PPRC1: variants seen among roughly 807,000 people sequenced by gnomAD.
PPRC1 encodes peroxisome proliferator-activated receptor gamma coactivator-related protein 1.
PPRC1 carries 23 observed loss-of-function variants against 132.5 expected under a neutral mutation model. The observed-to-expected ratio is 0.17, with a 90% CI of 0.12 to 0.25. The LOEUF (loss-of-function observed/expected upper bound fraction) is 0.25. Ranked by LOEUF, PPRC1 falls within the 10% of genes least tolerant of loss-of-function variation. The pLI is 1.00. For missense variants in PPRC1, 2,006 were observed against 2,089.1 expected, an observed-to-expected ratio of 0.96 and a Z score of 0.78; for synonymous variants, 872 against 833.5, an observed-to-expected ratio of 1.05 and a Z score of -0.80.
rs1038760066 is a variant in PPRC1 at position 102,139,263 on chromosome 10, T to C, written c.755T>C (p.Val252Ala). The C allele has an allele frequency of 4.3e-6, 7 of 1,613,878 alleles. No homozygotes were observed. Among genetic ancestry groups the C allele is most frequent in the Non-Finnish European group, 5.9e-6 (7 of 1,179,980 alleles). The change falls in exon 5 of 14, where the codon GTG (valine) becomes GCG (alanine). Residue 252 changes from valine to alanine, a missense_variant. Val to Ala is a moderately conservative substitution (Grantham distance 64). This residue lies in a region of PPRC1 where 1,914 missense variants were observed against 1,917.2 expected (regional missense o/e 1.00). Transcript: ENST00000278070. ...AGTGATGGAGAAGAAGAGGAGGAGG[T>C]GGCCAGCTTCAGTGGCCAGATTCTT... ...QRSDGEEEEE[V>A]ASFSGQILAG...
At chr10:102,120,873 G>A in the PPRC1 span, among the ~76,000 whole-genome samples, 4 of 152,152 alleles carry the variant, frequency 2.6e-5, no homozygotes, top group African/African-American at 7.2e-5. Context: ...CGCGCTCCGG[G>A]AGGGAAAAGG....
intron 6 of PPRC1, among the ~76,000 whole-genome samples, chr10:102,143,402 C>T (rs1437168923): frequency 6.6e-6 from 1 of 152,024 alleles, no homozygotes; most frequent in Non-Finnish European, 1.5e-5. Flanking sequence ...AGTTTGAGAC[C>T]AGCCTGGCCA....
At position 102,140,516 on chromosome 10, in the gene PPRC1, C is replaced by T. The variant is rs1460953524; in HGVS notation, c.2008C>T (p.Leu670=). 1 of 1,614,030 alleles carries T rather than the reference C, an allele frequency of 6.2e-7. No individual in the cohort carries two copies. The highest frequency in any genetic ancestry group is 8.5e-7 in the Non-Finnish European group (1 of 1,180,030). ...PSGPAPVDLA[L]VDPVPNDLTP... is the part of the protein sequence containing the mutation. ...TGGCCCAGCACCAGTTGATCTAGCA[C>T]TGGTTGACCCTGTTCCTAATGACCT... The change falls in exon 5 of 14, where the codon CTG becomes TTG. Residue 670 remains leucine (L), a synonymous_variant. Transcript: ENST00000278070.
Position 102,141,021 on chromosome 10 carries a change from C to T in PPRC1, c.2513C>T (p.Pro838Leu), listed in dbSNP as rs750433078. The stretch of plus-strand genomic sequence containing the variant: ...AGTCCTGAGCCACCTGTAAGCAAAC[C>T]TGTGGCCTCATCTCCCACTGAGCAG... Reference protein sequence around the residue: ...SPSPEPPVSKPVASSPTEQVP... With the variant: ...SPSPEPPVSKLVASSPTEQVP... The change falls in exon 5 of 14, where the codon CCT (proline) becomes CTT (leucine). Residue 838 changes from proline (P) to leucine (L), a missense_variant. Transcript: ENST00000278070. The T allele has an allele frequency of 2.5e-6, 4 of 1,614,174 alleles. No individual in the cohort carries two copies. The highest frequency in any genetic ancestry group is 2.5e-6 in the Non-Finnish European group (3 of 1,180,038).
chr10:102,120,620 C>CGGGG, the PPRC1 span, among the ~76,000 whole-genome samples: 1 of 152,104 alleles, frequency 6.6e-6, no homozygotes, highest in Non-Finnish European at 1.5e-5. Flanking sequence ...GGCGGGCGGG[C>CGGGG]GGCGAGGGGC....
upstream of PPRC1, chr10:102,132,956 C>T: frequency 3.3e-6 from 4 of 1,225,078 alleles, no homozygotes; most frequent in Non-Finnish European, 4.1e-6. Flanking sequence ...CCGCACGGCT[C>T]TCTGGGATTC....
At chr10:102,126,170 C>A in the PPRC1 span, among the ~76,000 whole-genome samples, 258 of 152,234 alleles carry the variant, frequency 1.7e-3, 1 homozygote, top group African/African-American at 5.7e-3. Context: ...CTTGGCATCA[C>A]TCTGTCTTTC....
chr10:102,132,076 A>C (rs951330784), upstream of PPRC1, among the ~76,000 whole-genome samples: 11 of 152,258 alleles, frequency 7.2e-5, no homozygotes, highest in Admixed American at 7.2e-4. Context: ...AAAAAAAGCA[A>C]ATCACCAATT....
chr10:102,138,772 G>T lies in PPRC1; in HGVS notation c.489+7G>T. On this transcript the variant is annotated splice_region_variant and intron_variant, in intron 3 of 13. Transcript: ENST00000278070. ...ACCCCGGGAGGGCTCCTCTGTGAGTGTGGGACCAGGGGAAGGGGATTAGTA... is the reference window on the plus strand; with the variant it reads ...ACCCCGGGAGGGCTCCTCTGTGAGTTTGGGACCAGGGGAAGGGGATTAGTA... The T allele has an allele frequency of 6.2e-7, 1 of 1,614,196 alleles. No individual in the cohort carries two copies.
chr10:102,145,087 G>T lies in PPRC1; in HGVS notation c.3676G>T (p.Ala1226Ser). 6.2e-7 allele frequency: 1 copy of T among 1,613,426 alleles called. No individual in the cohort carries two copies. Among genetic ancestry groups the T allele is most frequent in the East Asian group, 2.2e-5 (1 of 44,880 alleles). Reference sequence around the variant, plus strand: ...ACAAGCCCCAGAACTGGCCAACGTGGCAGGTGGGTTCAGGGTGGGGAATTC... The same window carrying T: ...ACAAGCCCCAGAACTGGCCAACGTGTCAGGTGGGTTCAGGGTGGGGAATTC... ...RLQAPELANV[A>S]GLTPPATPPH... The change falls in exon 8 of 14, where the codon GCA (alanine) becomes TCA (serine). Residue 1226 changes from alanine (A) to serine (S), a missense_variant. Transcript: ENST00000278070.
chr10:102,140,526 C>T lies in PPRC1; in HGVS notation c.2018C>T (p.Pro673Leu). The change falls in exon 5 of 14, where the codon CCT (proline) becomes CTT (leucine). Residue 673 changes from proline to leucine, a missense_variant. Coordinates refer to ENST00000278070, the MANE Select transcript of PPRC1 (RefSeq NM_015062.5). ...PAPVDLALVD[P>L]VPNDLTPVDP... is the part of the protein sequence containing the mutation. The stretch of plus-strand genomic sequence containing the variant: ...CCAGTTGATCTAGCACTGGTTGACC[C>T]TGTTCCTAATGACCTGACTCCAGTT... 1 of 1,614,154 alleles carries T rather than the reference C, an allele frequency of 6.2e-7. No homozygotes were observed. Among genetic ancestry groups the T allele is most frequent in the Non-Finnish European group, 8.5e-7 (1 of 1,180,038 alleles).
At position 102,147,114 on chromosome 10, in the gene PPRC1, C is replaced by T. The variant is rs768614208; in HGVS notation, c.4122C>T (p.Ser1374=). 6.2e-7 allele frequency: 1 copy of T among 1,614,202 alleles called. No individual in the cohort carries two copies. The highest frequency in any genetic ancestry group is 1.7e-5 in the Admixed American group (1 of 60,022). ...DPSAPCLAPS[S]LLSPEASPCR... ...CAGCACCCTGCCTTGCCCCATCCAG[C>T]TTGCTGTCCCCTGAGGCCTCACCCT... Residue 1374 remains serine (S), a synonymous_variant, in exon 9 of 14, where the codon AGC becomes AGT. Transcript: ENST00000278070.
chr10:102,138,685 A>G lies in PPRC1; in HGVS notation c.409A>G (p.Asn137Asp). The G allele has an allele frequency of 6.2e-7, 1 of 1,614,202 alleles. No individual in the cohort carries two copies. ...CACGGCTCTGACGGAGATCTTGGAC[A>G]ATGCAGATTCTGAGAACCTTTCTCC... ...LLTALTEILD[N>D]ADSENLSPFD... Residue 137 changes from asparagine (N) to aspartate (D), a missense_variant, in exon 3 of 14, where the codon AAT becomes GAT. By Grantham distance (23) the Asn-to-Asp change is conservative. Around this residue, in one of 2 missense-constraint regions of PPRC1, gnomAD observed 1,914 missense variants for 1,917.2 expected, o/e 1.00. Coordinates refer to ENST00000278070, the MANE Select transcript of PPRC1 (RefSeq NM_015062.5).
chr10:102,139,115 C>A lies in PPRC1; in HGVS notation c.607C>A (p.Pro203Thr), dbSNP rs750705554. The A allele has an allele frequency of 2.5e-6, 4 of 1,608,502 alleles. No homozygotes were observed. The highest frequency in any genetic ancestry group is 3.4e-6 in the Non-Finnish European group (4 of 1,176,920). Reference protein sequence around the residue: ...SRGSGVEMSLPDPSWDFSPPS... With the variant: ...SRGSGVEMSLTDPSWDFSPPS... ...TCTCCTGCAGGTTGAAATGTCTCTTCCAGATCCCTCTTGGGACTTCTCCCC... is the reference window on the plus strand; with the variant it reads ...TCTCCTGCAGGTTGAAATGTCTCTTACAGATCCCTCTTGGGACTTCTCCCC... The change falls in exon 5 of 14, where the codon CCA becomes ACA. Residue 203 changes from proline (P) to threonine (T), a missense_variant. Around this residue, in one of 2 missense-constraint regions of PPRC1, gnomAD observed 1,914 missense variants for 1,917.2 expected, o/e 1.00. Coordinates refer to ENST00000278070, the MANE Select transcript of PPRC1 (RefSeq NM_015062.5).
the PPRC1 span, among the ~76,000 whole-genome samples, chr10:102,124,734 C>G: frequency 1.3e-5 from 2 of 150,054 alleles, no homozygotes; most frequent in Non-Finnish European, 2.9e-5. Context: ...CCTCAAACTT[C>G]TGGGCTTAAG....
At chr10:102,132,238 T>C (rs561412490), upstream of PPRC1, among the ~76,000 whole-genome samples, 3 of 152,354 alleles carry the variant, frequency 2.0e-5, no homozygotes, top group South Asian at 6.2e-4. Context: ...TGAAATAATT[T>C]TTGTGCTTTG....
chr10:102,147,186 G>A lies in PPRC1; in HGVS notation c.4194G>A (p.Lys1398=), dbSNP rs754935922. 6 of 1,614,034 alleles carry A rather than the reference G, an allele frequency of 3.7e-6. No homozygotes were observed. The highest frequency in any genetic ancestry group is 1.1e-5 in the South Asian group (1 of 91,086). ...GGACTCCCCCTGAACCCTCAGCCAA[G>A]CAGCGGTCAATGCGCTGTTACCGAA... ...NTRTPPEPSA[K]QRSMRCYRKA... Residue 1398 remains lysine, a synonymous_variant, in exon 9 of 14, where the codon AAG becomes AAA. Transcript: ENST00000278070.
rs772774638 is a variant in PPRC1, at chr10:102,147,280, G to C, written c.4288G>C (p.Val1430Leu). The C allele has an allele frequency of 6.2e-7, 1 of 1,612,994 alleles. No individual in the cohort carries two copies. Among genetic ancestry groups the C allele is most frequent in the Non-Finnish European group, 8.5e-7 (1 of 1,180,036 alleles). ...CCGCCGAGGCCGCAACAGCCGTTCT[G>C]TCAGCTCTGGGTCCAACCGGACTAG... ...QGRRGRNSRS[V>L]SSGSNRTSEA... Residue 1430 changes from valine to leucine, a missense_variant, in exon 9 of 14, where the codon GTC becomes CTC. This residue lies in a region of PPRC1 where 1,914 missense variants were observed against 1,917.2 expected (regional missense o/e 1.00). Coordinates refer to ENST00000278070, the MANE Select transcript of PPRC1 (RefSeq NM_015062.5).
chr10:102,120,077 C>A, the PPRC1 span: 1 of 1,440,914 alleles, frequency 6.9e-7, no homozygotes, highest in Non-Finnish European at 9.2e-7. Flanking sequence ...GGCCGCACGC[C>A]CCACTCACCA....
Sources: gnomAD v4.1 joint callset for allele counts (sites outside exome capture counted in the v4.1 genomes callset) on GRCh38, gnomAD v4.1.1 for gene constraint, gnomAD v4.1.1 regional missense constraint, MANE v1.5 for transcripts, NCBI Gene and HGNC (gene_info 2026-07-23, HGNC 2026-07-21) for gene names.